The following RALY variants were observed in gnomAD, a reference collection of about 807,000 sequenced individuals.
RALY encodes RNA-binding protein Raly.
In RALY, 15 loss-of-function variants were observed where a neutral mutation model predicts 30.7. The ratio of observed to expected loss-of-function variants is 0.49; its 90% CI spans 0.33 to 0.75. The LOEUF is 0.75. RALY is among the 30% of genes least tolerant of loss of function. The pLI, the probability that RALY is intolerant of heterozygous loss-of-function variation, is 0.02. For missense variants in RALY, 339 were observed against 414.3 expected (o/e 0.82, Z 1.58); for synonymous variants, 177 against 170.8 (o/e 1.04, Z -0.28).
chr20:34,057,678 A>AAAAAAAAC (rs2033291520), intron 2 of RALY, among the ~76,000 whole-genome samples: 1 of 151,998 alleles, frequency 6.6e-6, no homozygotes, highest in Non-Finnish European at 1.5e-5. Flanking sequence ...AAAAAAAAAA[A>AAAAAAAAC]AAAAAAACAA....
chr20:33,998,830 G>T (rs2030766485), intron 1 of RALY, among the ~76,000 whole-genome samples: 1 of 151,932 alleles, frequency 6.6e-6, no homozygotes, highest in African/African-American at 2.4e-5. Context: ...AGTGTGTGCA[G>T]AAAAAAGATG....
intron 5 of RALY, among the ~76,000 whole-genome samples, chr20:34,075,509 G>A (rs1233477732): frequency 2.0e-5 from 3 of 151,916 alleles, no homozygotes; most frequent in Non-Finnish European, 4.4e-5. Context: ...CAAACTCTGA[G>A]CAGAGGTTGG....
At chr20:34,018,901 C>T (rs529386095) in intron 1 of RALY, among the ~76,000 whole-genome samples, 1 of 152,246 alleles carries the variant, frequency 6.6e-6, no homozygotes, top group South Asian at 2.1e-4. Context: ...AATCACCTGC[C>T]TTGGGGAACC....
intron 9 of RALY, among the ~76,000 whole-genome samples, chr20:34,078,936 G>A (rs2033969862): frequency 6.6e-6 from 1 of 152,222 alleles, no homozygotes; most frequent in Non-Finnish European, 1.5e-5. Flanking sequence ...GAGATGATGT[G>A]TAGCTGAGCC....
intron 2 of RALY, among the ~76,000 whole-genome samples, chr20:34,046,550 A>G (rs974733674): frequency 4.6e-5 from 7 of 152,134 alleles, no homozygotes; most frequent in African/African-American, 1.7e-4. Context: ...AATAGGTAAC[A>G]TTTCTTGGGA....
At chr20:34,017,266 A>C (rs1265627986) in intron 1 of RALY, among the ~76,000 whole-genome samples, 2 of 152,226 alleles carry the variant, frequency 1.3e-5, no homozygotes, top group African/African-American at 2.4e-5. Context: ...ATAGGAAGGA[A>C]AGGAAACTGA....
In RALY at chr20:34,076,729, A is replaced by G. The variant is rs2033889431; in HGVS notation, c.572A>G (p.Lys191Arg). The G allele has an allele frequency of 1.9e-6, 3 of 1,614,128 alleles. No homozygotes were observed. The South Asian group carries it at 3.3e-5, about 18-fold the overall frequency. The stretch of plus-strand genomic sequence containing the variant: ...AAGAGCAGTGAGCTGCAGGCCATCA[A>G]GACGGAGCTGACACAGATCAAGTCC... ...KLKSSELQAI[K>R]TELTQIKSNI... The change falls in exon 7 of 10, where the codon AAG becomes AGG. Residue 191 changes from lysine (K) to arginine (R), a missense_variant. Lys to Arg is a conservative substitution (Grantham distance 26). Transcript: ENST00000246194.
intron 2 of RALY, among the ~76,000 whole-genome samples, chr20:34,063,900 G>C (rs2033490412): frequency 6.6e-6 from 1 of 151,922 alleles, no homozygotes. Flanking sequence ...CTTTGCTTGG[G>C]GAGTAGACCA....
At chr20:34,052,824 C>A (rs903657763) in intron 2 of RALY, among the ~76,000 whole-genome samples, 5 of 152,114 alleles carry the variant, frequency 3.3e-5, no homozygotes, top group Admixed American at 3.3e-4. Context: ...TAAGCTCTGA[C>A]ACCAGTAATA....
chr20:34,071,852 A>G (rs1173799803), intron 2 of RALY, among the ~76,000 whole-genome samples: 1 of 152,170 alleles, frequency 6.6e-6, no homozygotes, highest in African/African-American at 2.4e-5. Flanking sequence ...GTAACAAATG[A>G]GGGAATGTAT....
chr20:34,008,302 A>G (rs764614481), intron 1 of RALY, among the ~76,000 whole-genome samples: 1 of 152,206 alleles, frequency 6.6e-6, no homozygotes, highest in Non-Finnish European at 1.5e-5. Context: ...TGGGGAACAT[A>G]GAATAATGAT....
chr20:34,044,952 A>G (rs1434556659), intron 2 of RALY, among the ~76,000 whole-genome samples: 5 of 152,216 alleles, frequency 3.3e-5, no homozygotes, highest in African/African-American at 9.6e-5. Context: ...TCACTCTGTC[A>G]CCCAGGCTGG....
chr20:34,012,523 C>T (rs2031446934), intron 1 of RALY, among the ~76,000 whole-genome samples: 1 of 152,136 alleles, frequency 6.6e-6, no homozygotes, highest in Non-Finnish European at 1.5e-5. Context: ...GCATCCTCCC[C>T]CACCCGCCAT....
At chr20:34,036,946 AT>A (rs1379237269) in intron 2 of RALY, among the ~76,000 whole-genome samples, 2 of 150,100 alleles carry the variant, frequency 1.3e-5, no homozygotes, top group East Asian at 3.9e-4. Flanking sequence ...TGTTTTATTT[AT>A]TTTGTTTATT....
chr20:34,019,233 G>A (rs866269661), intron 1 of RALY, among the ~76,000 whole-genome samples: 33 of 152,258 alleles, frequency 2.2e-4, no homozygotes, highest in Middle Eastern at 3.4e-3. Context: ...GACTAAGGCA[G>A]GAGAATTGCT....
chr20:34,070,015 A>G (rs967993459), intron 2 of RALY, among the ~76,000 whole-genome samples: 1 of 152,090 alleles, frequency 6.6e-6, no homozygotes, highest in Non-Finnish European at 1.5e-5. Context: ...TCCCTTGTAA[A>G]CAGTACCACC....
intron 1 of RALY, among the ~76,000 whole-genome samples, chr20:34,015,381 A>G (rs12480367): frequency 6.6e-6 from 1 of 151,968 alleles, no homozygotes; most frequent in Non-Finnish European, 1.5e-5. Flanking sequence ...ATAAAAAAAC[A>G]AAAAAGCAAA....
intron 1 of RALY, among the ~76,000 whole-genome samples, chr20:34,025,751 G>T (rs1242107576): frequency 1.3e-5 from 2 of 151,480 alleles, no homozygotes; most frequent in African/African-American, 2.4e-5. Flanking sequence ...AATCGTCTTC[G>T]GTCCCCAGGG....
At chr20:34,020,275 G>T (rs2031770596) in intron 1 of RALY, among the ~76,000 whole-genome samples, 1 of 152,214 alleles carries the variant, frequency 6.6e-6, no homozygotes, top group South Asian at 2.1e-4. Flanking sequence ...TCCCATGGGG[G>T]TGAGGGGAGG....
Sources: gnomAD v4.1 joint callset for allele counts (sites outside exome capture counted in the v4.1 genomes callset) on GRCh38, gnomAD v4.1.1 for gene constraint, MANE v1.5 for transcripts, NCBI Gene and HGNC (gene_info 2026-07-23, HGNC 2026-07-21) for gene names.